DGKG: variants seen among roughly 807,000 people sequenced by gnomAD.
The protein encoded by DGKG is diacylglycerol kinase gamma, also known as DAG kinase gamma.
Under a neutral mutation model 105.3 loss-of-function variants are expected in DGKG, and 78 were observed. The observed-to-expected ratio is 0.74, with a 90% CI of 0.62 to 0.89. The LOEUF (loss-of-function observed/expected upper bound fraction) is 0.89, where lower values mean the gene tolerates loss of function less well. DGKG is among the 40% of genes least tolerant of loss of function. The pLI is 0.00. For missense variants in DGKG, 958 were observed against 1,020.1 expected, an observed-to-expected ratio of 0.94 and a Z score of 0.83; for synonymous variants, 346 against 367.1, an observed-to-expected ratio of 0.94 and a Z score of 0.66.
In DGKG at chr3:186,259,573, G is replaced by A. The variant is rs185061775; in HGVS notation, c.1424+866C>T. Among the ~76,000 whole-genome samples, 411 of 152,310 alleles carry A rather than the reference G, an allele frequency of 2.7e-3. 2 individuals are homozygous for A. The highest frequency in any genetic ancestry group is 9.6e-3 in the African/African-American group (397 of 41,566). On this transcript the variant is annotated intron_variant, in intron 16 of 24. Transcript: ENST00000265022. ...GACAGGGTCAAATTCTCTTTTCAGAGTCCTTACTCCAACCTCTCTGAGGGG... is the reference window on the plus strand; with the variant it reads ...GACAGGGTCAAATTCTCTTTTCAGAATCCTTACTCCAACCTCTCTGAGGGG...
intron 1 of DGKG, among the ~76,000 whole-genome samples, chr3:186,339,641 T>G (rs1177888026): frequency 6.6e-6 from 1 of 152,208 alleles, no homozygotes; most frequent in Non-Finnish European, 1.5e-5. Context: ...GAGCCCAGCT[T>G]ACTGAAGCAT....
At chr3:186,191,492 A>ATG (rs1578644003) in intron 21 of DGKG, among the ~76,000 whole-genome samples, 1 of 152,122 alleles carries the variant, frequency 6.6e-6, no homozygotes, top group Non-Finnish European at 1.5e-5. Context: ...TTGGATTCAA[A>ATG]TGTGTGTGTG....
chr3:186,154,003 G>T (rs767377555), intron 24 of DGKG, among the ~76,000 whole-genome samples: 1 of 152,190 alleles, frequency 6.6e-6, no homozygotes, highest in Non-Finnish European at 1.5e-5. Flanking sequence ...AGGCTGAGGT[G>T]AGAGGATCGC....
intron 22 of DGKG, among the ~76,000 whole-genome samples, chr3:186,183,560 A>G (rs1717465744): frequency 6.6e-6 from 1 of 152,168 alleles, no homozygotes; most frequent in Non-Finnish European, 1.5e-5. Context: ...AAGATTAATA[A>G]CAACCAGCCT....
chr3:186,309,244 C>A (rs750153106), intron 2 of DGKG, among the ~76,000 whole-genome samples: 1 of 151,764 alleles, frequency 6.6e-6, no homozygotes, highest in Non-Finnish European at 1.5e-5. Context: ...TTTATAAAGG[C>A]AGATATGAAG....
chr3:186,247,785 G>T (rs371668351), intron 19 of DGKG, among the ~76,000 whole-genome samples: 1 of 152,060 alleles, frequency 6.6e-6, no homozygotes, highest in Admixed American at 6.6e-5. Context: ...TAAGCTAAAG[G>T]TGTATGAAAA....
At position 186,210,139 on chromosome 3, in the gene DGKG, G is replaced by C. The variant is rs1718963311; in HGVS notation, c.1917+1656C>G. ...AGCCGGGAGGGCAGGCCAGAGGCAG[G>C]GGAGCTGAGTTGCTGTATTCTGGGC... On this transcript the variant is annotated intron_variant, in intron 21 of 24. Coordinates refer to ENST00000265022, the MANE Select transcript of DGKG (RefSeq NM_001346.3). This position sits in a 1 kb window ranked among gnomAD's most constrained non-coding sequence, Gnocchi z 5.2. Among the ~76,000 whole-genome samples, 1 of 152,206 alleles carries C rather than the reference G, an allele frequency of 6.6e-6. No individual in the cohort carries two copies. The highest frequency in any genetic ancestry group is 6.5e-5 in the Admixed American group (1 of 15,290).
chr3:186,360,130 A>G (rs192929550), intron 1 of DGKG, among the ~76,000 whole-genome samples: 7 of 152,134 alleles, frequency 4.6e-5, no homozygotes, highest in African/African-American at 1.2e-4. Flanking sequence ...AGGGATCCTC[A>G]CCATCTGTTG....
In DGKG at chr3:186,261,771, A is replaced by T; in HGVS notation, c.1277T>A (p.Ile426Asn). ...AKGELVMQYKIIPTPGTHPLL... is the reference protein window; with the variant it reads ...AKGELVMQYKNIPTPGTHPLL... ...GGGGTGGGTACCCGGGGTGGGGATG[A>T]TCTTATACTTGAAAGGTAAAAGAAA... The change falls in exon 15 of 25, where the codon ATC (isoleucine) becomes AAC (asparagine). Residue 426 changes from isoleucine (I) to asparagine (N), a missense_variant. By Grantham distance (149) the Ile-to-Asn change is moderately radical. Coordinates refer to ENST00000265022, the MANE Select transcript of DGKG (RefSeq NM_001346.3). 1 of 1,599,066 alleles carries T rather than the reference A, an allele frequency of 6.3e-7. No homozygotes were observed. Among genetic ancestry groups the T allele is most frequent in the Non-Finnish European group, 8.5e-7 (1 of 1,172,060 alleles).
chr3:186,250,949 C>T (rs754876326), intron 19 of DGKG, among the ~76,000 whole-genome samples: 5 of 152,052 alleles, frequency 3.3e-5, no homozygotes, highest in Non-Finnish European at 5.9e-5. Flanking sequence ...TGATCTGTCC[C>T]CTCCTGTTCC....
rs529028348 is a variant in DGKG at position 186,327,350 on chromosome 3, TCTC to T, written c.-248-6646_-248-6644del. Among the ~76,000 whole-genome samples the T allele has an allele frequency of 6.9e-3, 1,035 of 150,136 alleles. 9 individuals carry two copies. The highest frequency in any genetic ancestry group is 0.012 in the African/African-American group (484 of 40,800). On this transcript the variant is annotated intron_variant, in intron 1 of 24. Coordinates refer to ENST00000265022, the MANE Select transcript of DGKG (RefSeq NM_001346.3). ...TCTTATTTCCCCCTTTCCTCCTCCT[TCTC>T]CTCCTCCTCCTCCTCCTCCTTATTC...
At chr3:186,154,765 C>T (rs1247989857) in intron 24 of DGKG, among the ~76,000 whole-genome samples, 1 of 151,746 alleles carries the variant, frequency 6.6e-6, no homozygotes, top group African/African-American at 2.4e-5. Context: ...AGTTCAACTA[C>T]GTCATTAGTT....
chr3:186,244,843 G>A (rs4686755), intron 19 of DGKG, among the ~76,000 whole-genome samples: 134,149 of 152,222 alleles, frequency 0.88, 60,704 homozygotes, highest in East Asian at 1. Context: ...GCTTCCCTGG[G>A]CAGCAGCACT....
intron 1 of DGKG, among the ~76,000 whole-genome samples, chr3:186,340,823 A>G (rs949210184): frequency 6.6e-6 from 1 of 152,176 alleles, no homozygotes; most frequent in African/African-American, 2.4e-5. Context: ...CAAATCAGAC[A>G]TCAATTCGCC....
intron 7 of DGKG, among the ~76,000 whole-genome samples, chr3:186,281,563 G>A (rs1299583713): frequency 6.6e-6 from 1 of 152,190 alleles, no homozygotes; most frequent in South Asian, 2.1e-4. Flanking sequence ...TGTTACCTCT[G>A]CCAGATAGAA....
intron 1 of DGKG, among the ~76,000 whole-genome samples, chr3:186,347,134 T>C (rs979244653): frequency 1.3e-5 from 2 of 152,092 alleles, no homozygotes; most frequent in Non-Finnish European, 2.9e-5. Flanking sequence ...TTTTGACCAA[T>C]GCGTGGTTCT....
At chr3:186,154,681 A>G (rs1049391664) in intron 24 of DGKG, among the ~76,000 whole-genome samples, 1 of 151,986 alleles carries the variant, frequency 6.6e-6, no homozygotes, top group African/African-American at 2.4e-5. Context: ...AAAAGAAAAA[A>G]AAAAGAATGT....
chr3:186,232,127 T>C (rs1040675595), intron 20 of DGKG, among the ~76,000 whole-genome samples: 4 of 152,236 alleles, frequency 2.6e-5, no homozygotes, highest in African/African-American at 9.6e-5. Flanking sequence ...GAAATAGTTA[T>C]TTCAATTGTG....
chr3:186,178,510 A>T (rs1381893883), intron 22 of DGKG, among the ~76,000 whole-genome samples: 1 of 152,198 alleles, frequency 6.6e-6, no homozygotes, highest in African/African-American at 2.4e-5. Context: ...CTGTGGTTCT[A>T]TTTTGAGCAG....
Sources: gnomAD v4.1 joint callset for allele counts (sites outside exome capture counted in the v4.1 genomes callset) on GRCh38, gnomAD v4.1.1 for gene constraint, Gnocchi (gnomAD v3.1) non-coding constraint, MANE v1.5 for transcripts, NCBI Gene and HGNC (gene_info 2026-07-23, HGNC 2026-07-21) for gene names.